PTGFRN: variants seen among roughly 807,000 people sequenced by gnomAD.
PTGFRN encodes the protein prostaglandin F2 receptor inhibitor, also known as prostaglandin F2 receptor negative regulator.
A neutral mutation model predicts 83.2 loss-of-function variants in PTGFRN; 35 were observed. The observed-to-expected ratio is 0.42, with a 90% CI of 0.32 to 0.56. The LOEUF (loss-of-function observed/expected upper bound fraction) is 0.56. Among genes scored for constraint, PTGFRN ranks in the 20% least tolerant of loss-of-function variants. The pLI is 0.11. For missense variants in PTGFRN, 1,051 were observed against 1,179.5 expected, an observed-to-expected ratio of 0.89 and a Z score of 1.60; for synonymous variants, 519 against 498.6, an observed-to-expected ratio of 1.04 and a Z score of -0.55.
chr1:116,924,473 A>C (rs1185187926), intron 1 of PTGFRN, among the ~76,000 whole-genome samples: 1 of 152,170 alleles, frequency 6.6e-6, no homozygotes, highest in Non-Finnish European at 1.5e-5. Context: ...CATTAGTGCC[A>C]TGTCTGGATT....
intron 6 of PTGFRN, among the ~76,000 whole-genome samples, chr1:116,970,579 T>G (rs1368497485): frequency 1.3e-5 from 2 of 152,224 alleles, no homozygotes; most frequent in Non-Finnish European, 2.9e-5. Context: ...CCTCAGTTCT[T>G]TAAATCTCAG....
Position 116,910,266 on chromosome 1 carries a change from G to C in PTGFRN, c.49+14G>C. Reference sequence around the variant, plus strand: ...TCCTGTCGTTGGGTGAGTGTGCGCGGGGCTCAGCGGGGCACACGGGGACTG... The same window carrying C: ...TCCTGTCGTTGGGTGAGTGTGCGCGCGGCTCAGCGGGGCACACGGGGACTG... On this transcript the variant is annotated intron_variant, in intron 1 of 8. Coordinates refer to ENST00000393203, the MANE Select transcript of PTGFRN (RefSeq NM_020440.4). 2 of 1,410,536 alleles carry C rather than the reference G, an allele frequency of 1.4e-6. No homozygotes were observed. The highest frequency in any genetic ancestry group is 1.8e-6 in the Non-Finnish European group (2 of 1,090,050). 87.4% of individuals were successfully genotyped at this position (1,410,536 alleles called of 1,614,324 possible). A position where few individuals can be genotyped will look rare whatever the true frequency, so the allele number is the denominator to read the frequency against.
At chr1:116,921,653 G>A (rs565753391) in intron 1 of PTGFRN, among the ~76,000 whole-genome samples, 1 of 150,318 alleles carries the variant, frequency 6.7e-6, no homozygotes, top group African/African-American at 2.5e-5. Flanking sequence ...TAGTACTTCC[G>A]CAGCATTAAG....
chr1:116,933,076 T>C (rs934275240), intron 1 of PTGFRN, among the ~76,000 whole-genome samples: 2 of 152,202 alleles, frequency 1.3e-5, no homozygotes, highest in African/African-American at 4.8e-5. Flanking sequence ...TTATTATTCT[T>C]CCTCTTACTC....
chr1:116,911,181 A>C (rs1346379413), intron 1 of PTGFRN, among the ~76,000 whole-genome samples: 1 of 152,162 alleles, frequency 6.6e-6, no homozygotes. Flanking sequence ...GCCGACTCTT[A>C]AATGTTTTGA....
chr1:116,911,952 C>T (rs1376734187), intron 1 of PTGFRN, among the ~76,000 whole-genome samples: 1 of 152,224 alleles, frequency 6.6e-6, no homozygotes, highest in African/African-American at 2.4e-5. Context: ...ACAGATGGTG[C>T]ACTGTACAAC....
rs2101076718 is a variant in PTGFRN at position 116,961,961 on chromosome 1, G to A, written c.1639+293G>A. The stretch of plus-strand genomic sequence containing the variant: ...TTCTCTTTCTTGCATTAAACATGGT[G>A]ACTCTGAGGACACTCTTTCCCCTGG... On this transcript the variant is annotated intron_variant, in intron 5 of 8. Coordinates refer to ENST00000393203, the MANE Select transcript of PTGFRN (RefSeq NM_020440.4). This position sits in a 1 kb window ranked among gnomAD's most constrained non-coding sequence, Gnocchi z 5.4. Among the ~76,000 whole-genome samples the A allele has an allele frequency of 6.6e-6, 1 of 151,764 alleles. No homozygotes were observed. The highest frequency in any genetic ancestry group is 2.1e-4 in the South Asian group (1 of 4,788).
intron 1 of PTGFRN, among the ~76,000 whole-genome samples, chr1:116,917,478 G>C (rs1430118878): frequency 6.6e-6 from 1 of 152,182 alleles, no homozygotes; most frequent in Non-Finnish European, 1.5e-5. Flanking sequence ...AAGAGCCAGA[G>C]AGGAGGGAAG....
chr1:116,953,645 AAG>A (rs1650404239), intron 4 of PTGFRN, among the ~76,000 whole-genome samples: 1 of 152,062 alleles, frequency 6.6e-6, no homozygotes, highest in African/African-American at 2.4e-5. Context: ...ATTAAGACCT[AAG>A]AGTTTGTCTT....
intron 1 of PTGFRN, among the ~76,000 whole-genome samples, chr1:116,922,324 A>C (rs1319053718): frequency 6.6e-6 from 1 of 152,232 alleles, no homozygotes; most frequent in Non-Finnish European, 1.5e-5. Context: ...TCAAAGGACT[A>C]TGACCTGATA....
At position 116,967,219 on chromosome 1, in the gene PTGFRN, G is replaced by A. The variant is rs751723995; in HGVS notation, c.1948G>A (p.Ala650Thr). ...AATGTACCAGACTCAGGTCTCAGACGCAGGGCTGTACCGCTGCATGGTGAC... is the reference window on the plus strand; with the variant it reads ...AATGTACCAGACTCAGGTCTCAGACACAGGGCTGTACCGCTGCATGGTGAC... ...YRMYQTQVSD[A>T]GLYRCMVTAW... The change falls in exon 6 of 9, where the codon GCA (alanine) becomes ACA (threonine). Residue 650 changes from alanine (A) to threonine (T), a missense_variant. Ala to Thr is a moderately conservative substitution (Grantham distance 58). This residue lies in a region of PTGFRN where 719 missense variants were observed against 836.6 expected (regional missense o/e 0.86). Transcript: ENST00000393203. The A allele has an allele frequency of 4.3e-6, 7 of 1,614,080 alleles. No homozygotes were observed. The highest frequency in any genetic ancestry group is 1.1e-5 in the South Asian group (1 of 91,090).
At chr1:116,926,196 T>A (rs1649658238) in intron 1 of PTGFRN, among the ~76,000 whole-genome samples, 1 of 152,186 alleles carries the variant, frequency 6.6e-6, no homozygotes, top group South Asian at 2.1e-4. Flanking sequence ...GTGGGGAGTT[T>A]CCCCAATTAT....
In PTGFRN at chr1:116,918,854, G is replaced by A. The variant is rs1649470766; in HGVS notation, c.49+8602G>A. On this transcript the variant is annotated intron_variant, in intron 1 of 8. Coordinates refer to ENST00000393203, the MANE Select transcript of PTGFRN (RefSeq NM_020440.4). The surrounding 1 kb of genome is among the most constrained non-coding windows in gnomAD (Gnocchi z 4.1). The stretch of plus-strand genomic sequence containing the variant: ...TGGAAGGATGAGTGATAAAGGAACC[G>A]AGGGAACTGATGAGAACATCACAGG... Among the ~76,000 whole-genome samples the A allele has an allele frequency of 6.6e-6, 1 of 152,196 alleles. No homozygotes were observed. Among genetic ancestry groups the A allele is most frequent in the South Asian group, 2.1e-4 (1 of 4,826 alleles).
At chr1:116,919,260 T>C (rs1233251003) in intron 1 of PTGFRN, among the ~76,000 whole-genome samples, 3 of 152,160 alleles carry the variant, frequency 2.0e-5, no homozygotes, top group Non-Finnish European at 4.4e-5. Flanking sequence ...GAAAAGGCAG[T>C]AACCTATGAC....
Position 116,987,694 on chromosome 1 carries a change from T to C in PTGFRN, c.*727T>C, listed in dbSNP as rs1193731719. 6.6e-6 allele frequency: 1 copy of C among 152,416 alleles called. No homozygotes were observed. Among genetic ancestry groups the C allele is most frequent in the Admixed American group, 6.6e-5 (1 of 15,262 alleles). The allele number at this position is 152,416 out of a possible 1,614,324, so 9.4% of individuals were successfully genotyped here. ...TTGGCTCTCCACTGAGCACCTTATC[T>C]TGCCACCTTAGCCTTAAGAATGAAT... On this transcript the variant is annotated 3_prime_UTR_variant, in exon 9 of 9. Transcript: ENST00000393203.
At chr1:116,930,233 C>G (rs1461999576) in intron 1 of PTGFRN, among the ~76,000 whole-genome samples, 1 of 152,218 alleles carries the variant, frequency 6.6e-6, no homozygotes, top group African/African-American at 2.4e-5. Flanking sequence ...GAAATTCTTG[C>G]ATCCCTTGGC....
rs528290109 is a variant in PTGFRN, at chr1:116,912,467, G to A, written c.49+2215G>A. Among the ~76,000 whole-genome samples, 13 of 152,238 alleles carry A rather than the reference G, an allele frequency of 8.5e-5. No individual in the cohort carries two copies. The South Asian group carries it at 1.9e-3, about 22-fold the overall frequency. Reference sequence around the variant, plus strand: ...TGGGGTGTAACCTGGGTATAATCGTGGTATCGCTGCTCTTTTTGACCTCCA... The same window carrying A: ...TGGGGTGTAACCTGGGTATAATCGTAGTATCGCTGCTCTTTTTGACCTCCA... On this transcript the variant is annotated intron_variant, in intron 1 of 8. Coordinates refer to ENST00000393203, the MANE Select transcript of PTGFRN (RefSeq NM_020440.4).
At chr1:116,933,977 A>G (rs1351403996) in intron 1 of PTGFRN, among the ~76,000 whole-genome samples, 13 of 152,184 alleles carry the variant, frequency 8.5e-5, no homozygotes, top group Admixed American at 8.5e-4. Flanking sequence ...ATTATGCCTA[A>G]TTCTACTACA....
chr1:116,914,223 C>A (rs1188179754), intron 1 of PTGFRN, among the ~76,000 whole-genome samples: 1 of 152,164 alleles, frequency 6.6e-6, no homozygotes, highest in African/African-American at 2.4e-5. Flanking sequence ...CATTCCAGCC[C>A]CTACAAAGGA....
Sources: allele counts gnomAD v4.1 joint callset (sites outside exome capture counted in the v4.1 genomes callset), GRCh38; gene constraint gnomAD v4.1.1; regional missense constraint gnomAD v4.1.1; non-coding constraint Gnocchi (gnomAD v3.1); transcripts MANE v1.5; gene names NCBI Gene and HGNC (gene_info 2026-07-23, HGNC 2026-07-21).